The following MEIKIN variants were observed in gnomAD, a reference collection of about 807,000 sequenced individuals.
MEIKIN encodes the protein meiosis-specific kinetochore protein.
chr5:131,807,404 G>A (rs1772866139), intron 12 of MEIKIN, 146 bp from the exon 13 acceptor site: 1 of 393,666 alleles, frequency 2.5e-6, no homozygotes, highest in Non-Finnish European at 4.5e-6. Context: ...AAATCCAGAG[G>A]CCATTTAAAA....
In MEIKIN at chr5:131,939,583, C is replaced by A. The variant is rs189361422; in HGVS notation, c.349+3052G>T. Among the ~76,000 whole-genome samples the A allele has an allele frequency of 4.7e-3, 718 of 151,932 alleles. 8 individuals are homozygous for A. Among genetic ancestry groups the A allele is most frequent in the African/African-American group, 0.016 (682 of 41,438 alleles). The stretch of plus-strand genomic sequence containing the variant: ...AATCTTCCACATTAAATATAAAATC[C>A]TTAATTAATTTTTCAACGTGTTATA... On this transcript the variant is annotated intron_variant, in intron 4 of 12. Coordinates refer to ENST00000442687, the MANE Select transcript of MEIKIN (RefSeq NM_001303622.2).
chr5:131,913,533 C>T (rs772155406), intron 7 of MEIKIN, among the ~76,000 whole-genome samples: 2 of 152,166 alleles, frequency 1.3e-5, no homozygotes, highest in Non-Finnish European at 2.9e-5. Context: ...GAAGACTCCT[C>T]GCTCCATGTG....
At chr5:131,883,386 T>C (rs1750729181) in intron 8 of MEIKIN, among the ~76,000 whole-genome samples, 1 of 152,246 alleles carries the variant, frequency 6.6e-6, no homozygotes. Context: ...CCACATTTAA[T>C]GACTGATGTT....
intron 2 of MEIKIN, 60 bp from the exon 3 acceptor site, chr5:131,944,812 T>C (rs570235520): frequency 2.5e-6 from 1 of 399,040 alleles, no homozygotes; most frequent in Admixed American, 4.4e-5. Flanking sequence ...CACGTCTCTG[T>C]TCAGACTCTT....
chr5:131,888,115 G>A (rs966099955), intron 8 of MEIKIN, among the ~76,000 whole-genome samples: 8 of 147,242 alleles, frequency 5.4e-5, no homozygotes, highest in African/African-American at 2.1e-4. Flanking sequence ...ATCATCGTTG[G>A]ACATTTGGGT....
intron 8 of MEIKIN, among the ~76,000 whole-genome samples, chr5:131,907,797 G>A (rs538686628): frequency 2.2e-4 from 34 of 152,042 alleles, no homozygotes; most frequent in Non-Finnish European, 3.8e-4. Flanking sequence ...ACTTGAACCC[G>A]GGAGTCAGAG....
intron 4 of MEIKIN, among the ~76,000 whole-genome samples, chr5:131,940,692 A>G (rs1261717051): frequency 1.3e-5 from 2 of 150,938 alleles, no homozygotes; most frequent in Non-Finnish European, 3.0e-5. Context: ...CATTCTGGGA[A>G]CCTGTATTCT....
At chr5:131,809,114 T>C (rs1772903580) in intron 12 of MEIKIN, among the ~76,000 whole-genome samples, 1 of 152,128 alleles carries the variant, frequency 6.6e-6, no homozygotes, top group Admixed American at 6.6e-5. Context: ...TTGTTTTACA[T>C]ATCTGACTTC....
At chr5:131,818,668 C>T (rs1190382613) in intron 12 of MEIKIN, 72 bp downstream of exon 12, 4 of 387,714 alleles carry the variant, frequency 1.0e-5, no homozygotes, top group Non-Finnish European at 1.8e-5. Flanking sequence ...TTCCTGTGTA[C>T]ATAAGGCATT....
At chr5:131,883,411 C>G (rs1750729450) in intron 8 of MEIKIN, among the ~76,000 whole-genome samples, 1 of 152,196 alleles carries the variant, frequency 6.6e-6, no homozygotes, top group South Asian at 2.1e-4. Flanking sequence ...ATTAAGATTG[C>G]AAGTCTGAAC....
chr5:131,848,287 T>C (rs1750052392), intron 11 of MEIKIN, among the ~76,000 whole-genome samples: 2 of 151,892 alleles, frequency 1.3e-5, no homozygotes, highest in Admixed American at 6.6e-5. Context: ...AATGAAAAAA[T>C]ACTAATAAAA....
intron 4 of MEIKIN, among the ~76,000 whole-genome samples, chr5:131,939,550 G>A (rs1224059767): frequency 6.6e-6 from 1 of 152,042 alleles, no homozygotes; most frequent in Non-Finnish European, 1.5e-5. Context: ...AGAAGTAAAT[G>A]TGTATTCAAT....
rs530486232 is a variant in MEIKIN at position 131,876,067 on chromosome 5, T to C, written c.774+2911A>G. ...CTAGAAGAAAACCTAGGCAATACCA[T>C]TCAGGATGTAGGCATGGGCAAGGAC... On this transcript the variant is annotated intron_variant, in intron 9 of 12. Coordinates refer to ENST00000442687, the MANE Select transcript of MEIKIN (RefSeq NM_001303622.2). 3.9e-5 allele frequency among the ~76,000 whole-genome samples: 6 copies of C among 152,304 alleles called. No homozygotes were observed. The East Asian group carries it at 1.2e-3, about 29-fold the overall frequency.
chr5:131,935,016 C>T lies in MEIKIN; in HGVS notation c.350-1375G>A, dbSNP rs1450254388. ...GGTTGCAGTGAATCAAGATCAAGAT[C>T]GGCCACTGAACTCCAGCCTGGTGAC... is the stretch of plus-strand genomic sequence containing the variant. On this transcript the variant is annotated intron_variant, in intron 4 of 12. Coordinates refer to ENST00000442687, the MANE Select transcript of MEIKIN (RefSeq NM_001303622.2). Among the ~76,000 whole-genome samples the T allele has an allele frequency of 3.1e-4, 47 of 150,292 alleles. 1 individual carries two copies. The highest frequency in any genetic ancestry group is 1.2e-4 in the Non-Finnish European group (8 of 67,714).
At chr5:131,811,503 C>T (rs930327904) in intron 12 of MEIKIN, among the ~76,000 whole-genome samples, 2 of 152,032 alleles carry the variant, frequency 1.3e-5, no homozygotes, top group Admixed American at 6.5e-5. Context: ...GACAGGGTTT[C>T]GCCATGTTGG....
At chr5:131,889,220 G>T (rs370560225) in intron 8 of MEIKIN, among the ~76,000 whole-genome samples, 1 of 152,072 alleles carries the variant, frequency 6.6e-6, no homozygotes, top group Non-Finnish European at 1.5e-5. Flanking sequence ...ATATGAACTT[G>T]AAAGTAGTTT....
At chr5:131,874,728 T>C (rs1409946332) in intron 9 of MEIKIN, among the ~76,000 whole-genome samples, 1 of 152,076 alleles carries the variant, frequency 6.6e-6, no homozygotes. Context: ...TTGATGAACA[T>C]TGATGCAAAA....
chr5:131,864,571 C>A (rs1750351073), intron 9 of MEIKIN, among the ~76,000 whole-genome samples: 1 of 152,200 alleles, frequency 6.6e-6, no homozygotes, highest in African/African-American at 2.4e-5. Context: ...GCCTGTAAGG[C>A]TTCTGCTGAG....
chr5:131,812,946 G>A (rs1773024706), intron 12 of MEIKIN, among the ~76,000 whole-genome samples: 1 of 152,190 alleles, frequency 6.6e-6, no homozygotes, highest in African/African-American at 2.4e-5. Context: ...CTTAATCATA[G>A]GCCATCAAGT....
Sources: allele counts gnomAD v4.1 joint callset (sites outside exome capture counted in the v4.1 genomes callset), GRCh38; gene constraint gnomAD v4.1.1; transcripts MANE v1.5; gene names NCBI Gene and HGNC (gene_info 2026-07-23, HGNC 2026-07-21).